The following LAMC2 variants were observed in gnomAD, a reference collection of about 807,000 sequenced individuals.
LAMC2 encodes the protein laminin subunit gamma-2.
LAMC2 carries 97 observed loss-of-function variants against 140.2 expected under a neutral mutation model. That is an observed-to-expected ratio of 0.69 (90% CI 0.59 to 0.82). LAMC2 has a LOEUF of 0.82. LAMC2 is among the 40% of genes least tolerant of loss of function. The probability of loss-of-function intolerance (pLI) is 0.00; values close to 1 mark genes in which losing one functional copy is unlikely to be tolerated. For missense variants in LAMC2, 1,402 were observed against 1,476.1 expected (o/e 0.95, Z 0.82); for synonymous variants, 513 against 540.2 (o/e 0.95, Z 0.70).
At position 183,215,502 on chromosome 1, in the gene LAMC2, AG is replaced by A; in HGVS notation, c.320del (p.Gly107ValfsTer2). 6.2e-7 allele frequency: 1 copy of A among 1,614,198 alleles called. No homozygotes were observed. The highest frequency in any genetic ancestry group is 8.5e-7 in the Non-Finnish European group (1 of 1,180,046). ...ACTCCGGACGGTGCAGCTGTAAACC[AG>A]GTGTGACAGGAGCCAGATGCGACCG... ...DNSGRCSCKP[G>X]VTGARCDRCL... On this transcript the variant is annotated frameshift_variant, in exon 3 of 23. Transcript: ENST00000264144. LOFTEE classifies it high-confidence loss of function.
chr1:183,202,342 T>C (rs976784228), intron 1 of LAMC2, among the ~76,000 whole-genome samples: 2 of 152,046 alleles, frequency 1.3e-5, no homozygotes, highest in Admixed American at 1.3e-4. Context: ...CCCTATTAGA[T>C]GTGATGTTTA....
intron 2 of LAMC2, among the ~76,000 whole-genome samples, chr1:183,210,165 G>A (rs1488685190): frequency 1.3e-5 from 2 of 152,112 alleles, no homozygotes; most frequent in Non-Finnish European, 2.9e-5. Context: ...AGGTCATAGA[G>A]CTAAGGGGCA....
At chr1:183,245,148 T>G (rs1042510429), downstream of LAMC2, among the ~76,000 whole-genome samples, 20 of 152,020 alleles carry the variant, frequency 1.3e-4, no homozygotes, top group African/African-American at 4.8e-4. Flanking sequence ...TCTAGCTGGG[T>G]GGGGGGGATA....
intron 2 of LAMC2, among the ~76,000 whole-genome samples, chr1:183,208,474 A>G (rs959885590): frequency 5.9e-5 from 9 of 152,120 alleles, no homozygotes; most frequent in Admixed American, 6.5e-5. Flanking sequence ...CATTTGACCA[A>G]CCTCTTGAAA....
chr1:183,238,363 A>G lies in LAMC2; in HGVS notation c.2811A>G (p.Ala937=), dbSNP rs564944350. Residue 937 remains alanine, a synonymous_variant, in exon 19 of 23, where the codon GCA becomes GCG. Coordinates refer to ENST00000264144, the MANE Select transcript of LAMC2 (RefSeq NM_005562.3). ...ANLAKSRAQE[A]LSMGNATFYE... ...TTGCTAAAAGCAGAGCACAAGAAGC[A>G]CTGAGTATGGGCAATGCCACTTTTT... 1.1e-5 allele frequency: 18 copies of G among 1,614,144 alleles called. No homozygotes were observed. In the South Asian group the frequency reaches 2.0e-4, roughly 18 times the overall value.
intron 2 of LAMC2, among the ~76,000 whole-genome samples, chr1:183,208,905 G>A (rs1282583576): frequency 1.3e-5 from 2 of 151,684 alleles, no homozygotes; most frequent in African/African-American, 4.8e-5. Context: ...GGTCTCGAGT[G>A]CCTGACCTCG....
At chr1:183,188,223 T>G (rs638781) in intron 1 of LAMC2, among the ~76,000 whole-genome samples, 86,637 of 151,934 alleles carry the variant, frequency 0.57, 25,449 homozygotes, top group East Asian at 0.73. Flanking sequence ...CCTTCATTTT[T>G]GGATTCAATG....
In LAMC2 at chr1:183,228,566, A is replaced by C. The variant is rs1659704451; in HGVS notation, c.1661A>C (p.Lys554Thr). 1 of 1,613,984 alleles carries C rather than the reference A, an allele frequency of 6.2e-7. No individual in the cohort carries two copies. The highest frequency in any genetic ancestry group is 1.1e-5 in the South Asian group (1 of 91,026). ...GCCGGCATCTACTGCGACCAGTGCA[A>C]AGCAGGCTACTTCGGGGACCCATTG... ...NTAGIYCDQC[K>T]AGYFGDPLAP... is the part of the protein sequence containing the mutation. Residue 554 changes from lysine to threonine, a missense_variant, in exon 11 of 23, where the codon AAA (lysine) becomes ACA (threonine). This residue lies in a region of LAMC2 where 723 missense variants were observed against 783.3 expected (regional missense o/e 0.92). Transcript: ENST00000264144. This position sits in a 1 kb window ranked among gnomAD's most constrained non-coding sequence, Gnocchi z 4.3.
intron 19 of LAMC2, 54 bp from the exon 20 acceptor site, chr1:183,239,310 C>A: frequency 6.7e-7 from 1 of 1,499,806 alleles, no homozygotes; most frequent in South Asian, 1.1e-5. Flanking sequence ...CCCTTTCACT[C>A]ATTTGTAAAT....
the LAMC2 span, among the ~76,000 whole-genome samples, chr1:183,253,462 T>C: frequency 6.6e-6 from 1 of 152,024 alleles, no homozygotes; most frequent in Non-Finnish European, 1.5e-5. Context: ...TCTACTAATT[T>C]AGCAAAAACC....
At chr1:183,219,471 C>T (rs945268693) in intron 4 of LAMC2, among the ~76,000 whole-genome samples, 1 of 152,162 alleles carries the variant, frequency 6.6e-6, no homozygotes, top group Admixed American at 6.5e-5. Context: ...GACAATGCCC[C>T]CCTCCTCCCT....
intron 22 of LAMC2, among the ~76,000 whole-genome samples, chr1:183,242,482 C>A (rs979094947): frequency 6.6e-6 from 1 of 152,148 alleles, no homozygotes; most frequent in African/African-American, 2.4e-5. Flanking sequence ...GGCCAGGTAC[C>A]CTTCATACTG....
At chr1:183,223,939 T>C (rs1162280859) in intron 7 of LAMC2, among the ~76,000 whole-genome samples, 1 of 152,182 alleles carries the variant, frequency 6.6e-6, no homozygotes, top group Non-Finnish European at 1.5e-5. Context: ...AAGGGAGCTG[T>C]GCCTACTAAG....
chr1:183,244,539 A>T lies in LAMC2; in HGVS notation c.*1139A>T, dbSNP rs192080195. Reference sequence around the variant, plus strand: ...TCTAGTGAGGAAGACAAGCATTTTTAAAAAATAAATTTAAACTTACAAACT... The same window carrying T: ...TCTAGTGAGGAAGACAAGCATTTTTTAAAAATAAATTTAAACTTACAAACT... On this transcript the variant is annotated 3_prime_UTR_variant, in exon 23 of 23. Transcript: ENST00000264144. The T allele has an allele frequency of 6.5e-6, 1 of 152,780 alleles. No individual in the cohort carries two copies. Among genetic ancestry groups the T allele is most frequent in the East Asian group, 1.9e-4 (1 of 5,196 alleles). 9.5% of individuals were successfully genotyped at this position (152,780 alleles called of 1,614,324 possible).
intron 7 of LAMC2, among the ~76,000 whole-genome samples, chr1:183,224,285 A>G (rs936774563): frequency 6.6e-6 from 1 of 152,198 alleles, no homozygotes; most frequent in African/African-American, 2.4e-5. Context: ...CTGGCAAGCA[A>G]TATTTATAGC....
At position 183,225,709 on chromosome 1, in the gene LAMC2, A is replaced by G; in HGVS notation, c.1055A>G (p.Tyr352Cys). 1 of 1,606,322 alleles carries G rather than the reference A, an allele frequency of 6.2e-7. No individual in the cohort carries two copies. The highest frequency in any genetic ancestry group is 1.1e-5 in the South Asian group (1 of 90,942). Residue 352 changes from tyrosine to cysteine, a missense_variant, in exon 8 of 23, where the codon TAT becomes TGT. Tyr to Cys is a radical substitution (Grantham distance 194). This residue lies in a region of LAMC2 where 723 missense variants were observed against 783.3 expected (regional missense o/e 0.92). Coordinates refer to ENST00000264144, the MANE Select transcript of LAMC2 (RefSeq NM_005562.3). ...NLTALRIRAT[Y>C]GEYSTGYIDN... ...ACAGCCCTCCGCATCCGAGCTACAT[A>G]TGGAGAATACAGTAAGTGGCTACGA... is the stretch of plus-strand genomic sequence containing the variant.
the LAMC2 span, among the ~76,000 whole-genome samples, chr1:183,256,248 A>T: frequency 3.5e-4 from 53 of 152,028 alleles, no homozygotes; most frequent in Non-Finnish European, 3.2e-4. Flanking sequence ...TCTACCAAAA[A>T]TACACAAAAA....
intron 2 of LAMC2, among the ~76,000 whole-genome samples, chr1:183,209,064 A>C (rs1658993605): frequency 6.6e-6 from 1 of 151,520 alleles, no homozygotes. Context: ...ACAGATACAT[A>C]CACTGTGCTG....
rs1348526719 is a variant in LAMC2, at chr1:183,243,201, C to A, written c.3383C>A (p.Ser1128Tyr). 1 of 1,613,884 alleles carries A rather than the reference C, an allele frequency of 6.2e-7. No individual in the cohort carries two copies. Among genetic ancestry groups the A allele is most frequent in the East Asian group, 2.2e-5 (1 of 44,898 alleles). The change falls in exon 23 of 23, where the codon TCC becomes TAC. Residue 1128 changes from serine to tyrosine, a missense_variant. Physicochemically the swap from Ser to Tyr is moderately radical, Grantham distance 144 (BLOSUM62 -2). Around this residue, in one of 3 missense-constraint regions of LAMC2, gnomAD observed 670 missense variants for 667.2 expected, o/e 1.00. Transcript: ENST00000264144. ...CTGGTCTTACTGGAGCAGAAGCTTT[C>A]CCGAGCCAAGACCCAGATCAACAGC... ...EGLVLLEQKL[S>Y]RAKTQINSQL...
Sources: gnomAD v4.1 joint callset for allele counts (sites outside exome capture counted in the v4.1 genomes callset) on GRCh38, gnomAD v4.1.1 for gene constraint, gnomAD v4.1.1 regional missense constraint, Gnocchi (gnomAD v3.1) non-coding constraint, MANE v1.5 for transcripts, NCBI Gene and HGNC (gene_info 2026-07-23, HGNC 2026-07-21) for gene names.